RBM4: variants seen among roughly 807,000 people sequenced by gnomAD.
RBM4 encodes the protein RNA-binding protein 4.
RBM4 carries 7 observed loss-of-function variants against 29.5 expected under a neutral mutation model. The observed-to-expected ratio is 0.24, with a 90% CI of 0.14 to 0.45. The LOEUF (loss-of-function observed/expected upper bound fraction) is 0.45, where lower values mean the gene tolerates loss of function less well. Among genes scored for constraint, RBM4 ranks in the 20% least tolerant of loss-of-function variants. The pLI, the probability that RBM4 is intolerant of heterozygous loss-of-function variation, is 1.00. For synonymous variants in RBM4, 220 were observed against 205.4 expected, an observed-to-expected ratio of 1.07 and a Z score of -0.61; for missense variants, 387 against 502.3, an observed-to-expected ratio of 0.77 and a Z score of 2.19.
Position 66,646,208 on chromosome 11 carries a change from A to G in RBM4, c.*190A>G. 6.9e-7 allele frequency: 1 copy of G among 1,454,384 alleles called. No individual in the cohort carries two copies. The highest frequency in any genetic ancestry group is 9.1e-7 in the Non-Finnish European group (1 of 1,104,386). The allele number at this position is 1,454,384 out of a possible 1,614,324, so 90.1% of individuals were successfully genotyped here. On this transcript the variant is annotated 3_prime_UTR_variant, in exon 4 of 4. Coordinates refer to ENST00000310092, the MANE Select transcript of RBM4 (RefSeq NM_002896.4). ...TTTCCTTTCCTTTCCTCTCCTGCCC[A>G]TTTTCCTGTTCTTCTGTCCTTCAAT...
Position 66,639,868 on chromosome 11 carries a change from C to G in RBM4, c.157C>G (p.Arg53Gly). ...EDKTAAEDAI[R>G]NLHHYKLHGV... ...CAAGACGGCAGCTGAGGATGCCATA[C>G]GCAACCTGCACCATTACAAGCTTCA... Residue 53 changes from arginine (R) to glycine (G), a missense_variant, in exon 2 of 4, where the codon CGC (arginine) becomes GGC (glycine). Arg to Gly is a moderately radical substitution (Grantham distance 125). Coordinates refer to ENST00000310092, the MANE Select transcript of RBM4 (RefSeq NM_002896.4). The G allele has an allele frequency of 6.2e-7, 1 of 1,614,074 alleles. No homozygotes were observed. Among genetic ancestry groups the G allele is most frequent in the Non-Finnish European group, 8.5e-7 (1 of 1,180,012 alleles).
chr11:66,664,000 A>G (rs1281031418), intron 2 of RBM4, among the ~76,000 whole-genome samples: 2 of 151,950 alleles, frequency 1.3e-5, no homozygotes, highest in African/African-American at 4.8e-5. Context: ...AAGCCACAGC[A>G]CTAACCTAAA....
exon 3 of RBM4, chr11:66,666,737 A>G (rs1939246697): frequency 6.6e-6 from 1 of 152,174 alleles, no homozygotes; most frequent in South Asian, 2.1e-4. Context: ...ATTAATGGCA[A>G]ACTATAAATT....
At chr11:66,641,884 T>A (rs185915477) in intron 2 of RBM4, among the ~76,000 whole-genome samples, 5 of 152,342 alleles carry the variant, frequency 3.3e-5, no homozygotes, top group African/African-American at 7.2e-5. Flanking sequence ...AGATATTTTT[T>A]AAAATTTAAC....
intron 2 of RBM4, among the ~76,000 whole-genome samples, chr11:66,654,581 A>C (rs1025644819): frequency 2.0e-5 from 3 of 151,838 alleles, no homozygotes; most frequent in Non-Finnish European, 4.4e-5. Context: ...GTCTGACTGC[A>C]ATCTTGATCT....
intron 2 of RBM4, among the ~76,000 whole-genome samples, chr11:66,656,645 CT>C (rs1938955179): frequency 6.6e-6 from 1 of 151,990 alleles, no homozygotes; most frequent in Admixed American, 6.6e-5. Flanking sequence ...TGACAATGTA[CT>C]TTTTTGGGGG....
chr11:66,664,803 C>G (rs1939166213), intron 2 of RBM4, among the ~76,000 whole-genome samples: 1 of 152,146 alleles, frequency 6.6e-6, no homozygotes, highest in Non-Finnish European at 1.5e-5. Flanking sequence ...CAACATGTTG[C>G]TCAGGCTGGT....
intron 2 of RBM4, among the ~76,000 whole-genome samples, chr11:66,653,672 C>T (rs1938881380): frequency 2.0e-5 from 3 of 152,048 alleles, no homozygotes; most frequent in South Asian, 2.1e-4. Context: ...TTTTCTTTAG[C>T]TTTTATTGTA....
intron 2 of RBM4, among the ~76,000 whole-genome samples, chr11:66,654,217 C>T (rs139805479): frequency 4.1e-4 from 62 of 151,984 alleles, no homozygotes; most frequent in African/African-American, 1.4e-3. Context: ...TTTGGCCGGG[C>T]GTGGTGGCTC....
chr11:66,665,962 C>G, exon 3 of RBM4: 1 of 1,526,756 alleles, frequency 6.5e-7, no homozygotes, highest in African/African-American at 1.4e-5. Context: ...GCAGAAGATG[C>G]TGAGATGTCA....
chr11:66,660,717 G>A (rs1240842893), intron 2 of RBM4, among the ~76,000 whole-genome samples: 3 of 150,610 alleles, frequency 2.0e-5, no homozygotes, highest in African/African-American at 2.4e-5. Context: ...GCAGTGGTGC[G>A]ATCTCAGCTC....
chr11:66,651,837 GGA>G (rs1228082787), intron 2 of RBM4, among the ~76,000 whole-genome samples: 1 of 152,124 alleles, frequency 6.6e-6, no homozygotes, highest in Non-Finnish European at 1.5e-5. Flanking sequence ...GGATTTCTCT[GGA>G]GTTTCTTTTA....
intron 2 of RBM4, among the ~76,000 whole-genome samples, chr11:66,656,106 G>T (rs1255965931): frequency 6.6e-6 from 1 of 151,950 alleles, no homozygotes; most frequent in Non-Finnish European, 1.5e-5. Context: ...GAGTAGCTGG[G>T]ATTACAGGTG....
intron 2 of RBM4, among the ~76,000 whole-genome samples, chr11:66,659,202 A>C (rs1939024878): frequency 6.9e-6 from 1 of 144,694 alleles, no homozygotes; most frequent in African/African-American, 2.6e-5. Flanking sequence ...CCAGTTTGAA[A>C]CCTCTCTTCT....
At position 66,654,679 on chromosome 11, in the gene RBM4, A is replaced by AT. The variant is rs1479520567; in HGVS notation, c.413-11173dup. 4.5e-4 allele frequency among the ~76,000 whole-genome samples: 41 copies of AT among 91,140 alleles called. No individual in the cohort carries two copies. The East Asian group carries it at 4.6e-3, about 10-fold the overall frequency. 59.8% of individuals were successfully genotyped at this position (91,140 alleles called of 152,430 possible). ...ACCACGCCCAGCTCAGTTTTGATTA[A>AT]TTTTGTTTTTTTTTTTTTTTTAGAG... On this transcript the variant is annotated intron_variant, in intron 2 of 2. Coordinates refer to the RBM4 transcript ENST00000396053.
At chr11:66,668,303 C>T (rs1208892734) in exon 3 of RBM4, 2 of 266,464 alleles carry the variant, frequency 7.5e-6, no homozygotes, top group Non-Finnish European at 1.4e-5. Context: ...GGGCACATAA[C>T]AAATGTTAGA....
Position 66,643,971 on chromosome 11 carries a change from C to T in RBM4, c.934C>T (p.Arg312Cys), listed in dbSNP as rs750559028. Residue 312 changes from arginine (R) to cysteine (C), a missense_variant, in exon 3 of 4, where the codon CGT (arginine) becomes TGT (cysteine). Coordinates refer to ENST00000310092, the MANE Select transcript of RBM4 (RefSeq NM_002896.4). The surrounding 1 kb of genome is among the most constrained non-coding windows in gnomAD (Gnocchi z 6.1). The part of the protein sequence containing the change: ...SYYGRDRSPL[R>C]RATAPVPTVG... ...TTACGGGCGGGATCGGAGCCCCCTGCGTCGCGCTACAGCCCCAGTCCCCAC... is the reference window on the plus strand; with the variant it reads ...TTACGGGCGGGATCGGAGCCCCCTGTGTCGCGCTACAGCCCCAGTCCCCAC... 3.7e-6 allele frequency: 6 copies of T among 1,612,968 alleles called. No individual in the cohort carries two copies. The highest frequency in any genetic ancestry group is 4.2e-6 in the Non-Finnish European group (5 of 1,180,024).
At chr11:66,664,174 T>TG (rs1306579215) in intron 2 of RBM4, among the ~76,000 whole-genome samples, 1 of 146,606 alleles carries the variant, frequency 6.8e-6, no homozygotes, top group Non-Finnish European at 1.5e-5. Flanking sequence ...CCCAGCTGTT[T>TG]TTTTTTTTTT....
At position 66,656,238 on chromosome 11, in the gene RBM4, G is replaced by A. The variant is rs1224614112; in HGVS notation, c.413-9618G>A. ...TGCAAGCTCTACCTCCTGGGTTCAC[G>A]CCATTCTCCCACCTCAGCCTCTGAA... On this transcript the variant is annotated intron_variant, in intron 2 of 2. Transcript: ENST00000396053. Among the ~76,000 whole-genome samples the A allele has an allele frequency of 2.6e-5, 4 of 152,034 alleles. No homozygotes were observed. The South Asian group carries it at 6.2e-4, about 24-fold the overall frequency.
Sources: gnomAD v4.1 joint callset for allele counts (sites outside exome capture counted in the v4.1 genomes callset) on GRCh38, gnomAD v4.1.1 for gene constraint, Gnocchi (gnomAD v3.1) non-coding constraint, MANE v1.5 for transcripts, NCBI Gene and HGNC (gene_info 2026-07-23, HGNC 2026-07-21) for gene names.